Variants in NIPAL3 observed in about 807,000 individuals in gnomAD.
NIPAL3 encodes the protein NIPA like domain containing 3, also known as NIPA-like protein 3.
In NIPAL3, 41 loss-of-function variants were observed where a neutral mutation model predicts 47.2. That is an observed-to-expected ratio of 0.87 (90% CI 0.68 to 1.13). The LOEUF (loss-of-function observed/expected upper bound fraction) is 1.13, where lower values mean the gene tolerates loss of function less well. Among genes scored for constraint, NIPAL3 ranks in the 50% most tolerant of loss-of-function variants. The pLI is 0.00. For synonymous variants in NIPAL3, 194 were observed against 209.6 expected, an observed-to-expected ratio of 0.93 and a Z score of 0.64; for missense variants, 449 against 530.1, an observed-to-expected ratio of 0.85 and a Z score of 1.50.
At chr1:24,464,186 A>G (rs1311587818) in intron 11 of NIPAL3, 66 bp downstream of exon 11, 1 of 1,266,330 alleles carries the variant, frequency 7.9e-7, no homozygotes, top group Non-Finnish European at 1.1e-6. Flanking sequence ...TCCTGTTTAA[A>G]AAGAGACAAC....
At chr1:24,418,273 T>C (rs1206357593) in intron 1 of NIPAL3, among the ~76,000 whole-genome samples, 1 of 152,214 alleles carries the variant, frequency 6.6e-6, no homozygotes, top group Non-Finnish European at 1.5e-5. Flanking sequence ...AAGAAAACCC[T>C]AACACTTTTA....
intron 2 of NIPAL3, among the ~76,000 whole-genome samples, chr1:24,428,260 G>C (rs1381985427): frequency 7.7e-5 from 4 of 52,272 alleles, no homozygotes; most frequent in African/African-American, 4.9e-4. Flanking sequence ...CAAAAAGAAA[G>C]AGAGAGAGAG....
chr1:24,437,768 G>A (rs1358118645), intron 2 of NIPAL3, among the ~76,000 whole-genome samples: 1 of 152,166 alleles, frequency 6.6e-6, no homozygotes, highest in Non-Finnish European at 1.5e-5. Context: ...TCACACTTGG[G>A]CCGTGATGTC....
At chr1:24,452,945 A>G (rs1273444994) in intron 6 of NIPAL3, among the ~76,000 whole-genome samples, 1 of 145,536 alleles carries the variant, frequency 6.9e-6, no homozygotes, top group African/African-American at 2.6e-5. Context: ...CAGGTGATCC[A>G]CCCGCCTTGG....
intron 4 of NIPAL3, among the ~76,000 whole-genome samples, chr1:24,444,194 GTAA>G (rs1387151211): frequency 6.6e-6 from 1 of 152,174 alleles, no homozygotes; most frequent in East Asian, 1.9e-4. Flanking sequence ...GGTACTTTTA[GTAA>G]TAATATTAGC....
In NIPAL3 at chr1:24,469,010, G is replaced by A. The variant is rs367705775; in HGVS notation, c.1046G>A (p.Gly349Glu). 7 of 1,614,018 alleles carry A rather than the reference G, an allele frequency of 4.3e-6. No individual in the cohort carries two copies. The highest frequency in any genetic ancestry group is 5.9e-6 in the Non-Finnish European group (7 of 1,180,030). Residue 349 changes from glycine to glutamate, a missense_variant, in exon 12 of 12, where the codon GGG becomes GAG. Transcript: ENST00000374399. The stretch of plus-strand genomic sequence containing the variant: ...GGTATGCAGAACATGCACGATAAAG[G>A]GATGACTGTCCAGCCTGAACTTAAA... ...MPGMQNMHDK[G>E]MTVQPELKAS...
At chr1:24,455,116 G>A (rs1418518995) in intron 7 of NIPAL3, among the ~76,000 whole-genome samples, 1 of 152,222 alleles carries the variant, frequency 6.6e-6, no homozygotes, top group Non-Finnish European at 1.5e-5. Flanking sequence ...TGGGGGTGTT[G>A]GCAGGAGAAA....
chr1:24,458,856 A>T (rs764983941), intron 8 of NIPAL3, 32 bp from the exon 9 acceptor site: 2 of 1,569,796 alleles, frequency 1.3e-6, no homozygotes, highest in Admixed American at 3.3e-5. Flanking sequence ...ACGTCTCCAC[A>T]GCCCACTGAC....
intron 8 of NIPAL3, among the ~76,000 whole-genome samples, chr1:24,458,437 A>C (rs1265502872): frequency 6.6e-6 from 1 of 152,246 alleles, no homozygotes; most frequent in Non-Finnish European, 1.5e-5. Context: ...TTCAGTGATC[A>C]CATTATTTTC....
At chr1:24,440,277 A>G in intron 3 of NIPAL3, 37 bp downstream of exon 3, 1 of 1,494,472 alleles carries the variant, frequency 6.7e-7, no homozygotes, top group Non-Finnish European at 9.0e-7. Flanking sequence ...GGGGACAGAG[A>G]CACAGCAGAC....
intron 2 of NIPAL3, among the ~76,000 whole-genome samples, chr1:24,436,220 T>G (rs921753894): frequency 9.9e-5 from 15 of 152,154 alleles, no homozygotes; most frequent in African/African-American, 3.4e-4. Flanking sequence ...GTGAGGTTAT[T>G]GTCTAAAAGT....
rs188707779 is a variant in NIPAL3 at position 24,463,264 on chromosome 1, G to C, written c.927-762G>C. On this transcript the variant is annotated intron_variant, in intron 10 of 11. Coordinates refer to ENST00000374399, the MANE Select transcript of NIPAL3 (RefSeq NM_020448.5). Reference sequence around the variant, plus strand: ...AATGAAAGAAACCAGACATAAAAGAGTACATATTGTATGATTTAACTTACA... The same window carrying C: ...AATGAAAGAAACCAGACATAAAAGACTACATATTGTATGATTTAACTTACA... 1.3e-4 allele frequency among the ~76,000 whole-genome samples: 20 copies of C among 152,252 alleles called. No individual in the cohort carries two copies. In the East Asian group the frequency reaches 3.7e-3, roughly 28 times the overall value.
intron 6 of NIPAL3, among the ~76,000 whole-genome samples, chr1:24,452,853 A>ATTT (rs3054551): frequency 0.11 from 13,778 of 124,004 alleles, 831 homozygotes; most frequent in African/African-American, 0.15. Flanking sequence ...CGCCCAGCTA[A>ATTT]TTTTTTTTTT....
At chr1:24,453,098 G>T (rs1646021446) in intron 6 of NIPAL3, among the ~76,000 whole-genome samples, 1 of 152,102 alleles carries the variant, frequency 6.6e-6, no homozygotes, top group East Asian at 1.9e-4. Flanking sequence ...GGAGTGGGAA[G>T]AAACCATCTC....
chr1:24,440,481 C>T (rs537804997), intron 3 of NIPAL3, among the ~76,000 whole-genome samples: 42 of 152,340 alleles, frequency 2.8e-4, no homozygotes, highest in South Asian at 8.3e-4. Context: ...GCAGTGACCT[C>T]CTGCTAGCTT....
At chr1:24,463,439 TC>T (rs1646565841) in intron 10 of NIPAL3, among the ~76,000 whole-genome samples, 1 of 152,156 alleles carries the variant, frequency 6.6e-6, no homozygotes, top group African/African-American at 2.4e-5. Context: ...GGTTGATGAT[TC>T]CCCAAGTAAA....
rs184645899 is a variant in NIPAL3 at position 24,436,640 on chromosome 1, C to G, written c.94-3532C>G. 3.6e-3 allele frequency among the ~76,000 whole-genome samples: 531 copies of G among 146,808 alleles called. 7 individuals carry two copies. Among genetic ancestry groups the G allele is most frequent in the African/African-American group, 0.013 (474 of 36,258 alleles). On this transcript the variant is annotated intron_variant, in intron 2 of 11. Transcript: ENST00000374399. ...AGTAGCTGGGATTATAGGCGCCCAC[C>G]ACCACGCCCAGATAATTTTTGGGTT...
At chr1:24,464,916 C>T (rs992066065) in intron 11 of NIPAL3, 1 of 152,214 alleles carries the variant, frequency 6.6e-6, no homozygotes, top group Non-Finnish European at 1.5e-5. Flanking sequence ...ACTGCTTACT[C>T]GAGAGGTTTT....
chr1:24,454,684 C>CA lies in NIPAL3; in HGVS notation c.637+1184dup, dbSNP rs906123648. 10 of 471,954 alleles carry CA rather than the reference C, an allele frequency of 2.1e-5. No homozygotes were observed. The highest frequency in any genetic ancestry group is 2.5e-5 in the Non-Finnish European group (9 of 361,216). 29.2% of individuals were successfully genotyped at this position (471,954 alleles called of 1,614,324 possible). A position where few individuals can be genotyped will look rare whatever the true frequency, so the allele number is the denominator to read the frequency against. On this transcript the variant is annotated intron_variant, in intron 7 of 11. Coordinates refer to ENST00000374399, the MANE Select transcript of NIPAL3 (RefSeq NM_020448.5). The surrounding 1 kb of genome is among the most constrained non-coding windows in gnomAD (Gnocchi z 4.1). ...TAATTTTAGAACATTTTGTCACCCCCAAAAGAAACCCTGTGCCCATTAGCA... is the reference window on the plus strand; with the variant it reads ...TAATTTTAGAACATTTTGTCACCCCCAAAAAGAAACCCTGTGCCCATTAGCA...
Sources: gnomAD v4.1 joint callset for allele counts (sites outside exome capture counted in the v4.1 genomes callset) on GRCh38, gnomAD v4.1.1 for gene constraint, Gnocchi (gnomAD v3.1) non-coding constraint, MANE v1.5 for transcripts, NCBI Gene and HGNC (gene_info 2026-07-23, HGNC 2026-07-21) for gene names.